SSBP3: variants seen among roughly 807,000 people sequenced by gnomAD.
SSBP3 encodes the protein single-stranded DNA-binding protein 3.
A neutral mutation model predicts 69.6 loss-of-function variants in SSBP3; 5 were observed. The observed-to-expected ratio is 0.07, with a 90% CI of 0.04 to 0.15. The LOEUF is 0.15. Ranked by LOEUF, SSBP3 falls within the 10% of genes least tolerant of loss-of-function variation. The probability of loss-of-function intolerance (pLI) is 1.00; values close to 1 mark genes in which losing one functional copy is unlikely to be tolerated. For synonymous variants in SSBP3, 196 were observed against 193.4 expected (o/e 1.01, Z -0.11); for missense variants, 312 against 534.0 (o/e 0.58, Z 4.10).
intron 13 of SSBP3, among the ~76,000 whole-genome samples, chr1:54,240,118 G>A (rs921488037): frequency 0.17 from 1,245 of 7,198 alleles, 12 homozygotes; most frequent in Non-Finnish European, 0.25. Flanking sequence ...GCGCGCGCGC[G>A]CGCAACACAT....
At chr1:54,237,710 C>T (rs1644523423) in intron 14 of SSBP3, 1 of 160,116 alleles carries the variant, frequency 6.2e-6, no homozygotes. Context: ...CATCTGAACT[C>T]TTAGGAAATA....
chr1:54,337,484 G>GTTT (rs1203018944), intron 4 of SSBP3, among the ~76,000 whole-genome samples: 4 of 78,902 alleles, frequency 5.1e-5, no homozygotes, highest in Non-Finnish European at 6.6e-5. Flanking sequence ...TTTTCCTCAA[G>GTTT]CTTTTTTTTT....
intron 4 of SSBP3, among the ~76,000 whole-genome samples, chr1:54,321,778 G>A (rs1307221180): frequency 6.6e-6 from 1 of 152,202 alleles, no homozygotes; most frequent in African/African-American, 2.4e-5. Flanking sequence ...GAAATTAAGA[G>A]CAGAATGAGG....
intron 14 of SSBP3, among the ~76,000 whole-genome samples, chr1:54,234,243 A>G (rs1459505678): frequency 6.7e-6 from 1 of 149,878 alleles, no homozygotes; most frequent in Non-Finnish European, 1.5e-5. Flanking sequence ...TAGGAAAACC[A>G]GAGACCTTTG....
chr1:54,255,582 C>T (rs1252833405), intron 7 of SSBP3: 3 of 152,240 alleles, frequency 2.0e-5, no homozygotes, highest in African/African-American at 4.8e-5. Context: ...TGGGAAGTCA[C>T]TCCTCCACTC....
rs188642015 is a variant in SSBP3, at chr1:54,332,752, G to A, written c.277-51225C>T. Among the ~76,000 whole-genome samples, 531 of 152,222 alleles carry A rather than the reference G, an allele frequency of 3.5e-3. 3 individuals carry two copies. The highest frequency in any genetic ancestry group is 3.8e-3 in the Non-Finnish European group (260 of 68,002). ...CTTAGGGAGAAAGATAAAAAAAACG[G>A]ACTTGCTCCCTTGTCCCACAGCCAA... is the stretch of plus-strand genomic sequence containing the variant. On this transcript the variant is annotated intron_variant, in intron 4 of 17. Coordinates refer to ENST00000610401, the Ensembl canonical transcript of SSBP3.
At chr1:54,394,252 T>C (rs1648698931) in intron 4 of SSBP3, among the ~76,000 whole-genome samples, 2 of 152,254 alleles carry the variant, frequency 1.3e-5, no homozygotes, top group Admixed American at 1.3e-4. Flanking sequence ...CCTCTGCGCA[T>C]GTTTCTTTAG....
intron 4 of SSBP3, among the ~76,000 whole-genome samples, chr1:54,373,848 G>A (rs1647175011): frequency 6.6e-6 from 1 of 152,090 alleles, no homozygotes; most frequent in Non-Finnish European, 1.5e-5. Flanking sequence ...ACACCCAGGG[G>A]CTGCTTGAGG....
intron 5 of SSBP3, among the ~76,000 whole-genome samples, chr1:54,274,951 G>A (rs1488056162): frequency 6.6e-6 from 1 of 151,168 alleles, no homozygotes; most frequent in Non-Finnish European, 1.5e-5. Context: ...ACTGCCAATT[G>A]CCTCCTCCTC....
chr1:54,390,808 C>G (rs1488474567), intron 4 of SSBP3, among the ~76,000 whole-genome samples: 1 of 152,222 alleles, frequency 6.6e-6, no homozygotes, highest in African/African-American at 2.4e-5. Flanking sequence ...CAAGCGGGCT[C>G]CGAGTGGGAT....
intron 4 of SSBP3, among the ~76,000 whole-genome samples, chr1:54,365,103 G>T (rs1477236525): frequency 1.3e-5 from 2 of 152,208 alleles, no homozygotes; most frequent in Non-Finnish European, 2.9e-5. Flanking sequence ...GCGCCGAAGA[G>T]CTTTTTTTGC....
intron 4 of SSBP3, among the ~76,000 whole-genome samples, chr1:54,401,627 A>G (rs1240052508): frequency 6.6e-6 from 1 of 152,204 alleles, no homozygotes; most frequent in African/African-American, 2.4e-5. Context: ...CTCCGGATAG[A>G]TATCTACACA....
At chr1:54,401,229 A>G (rs915287769) in intron 4 of SSBP3, among the ~76,000 whole-genome samples, 3 of 152,234 alleles carry the variant, frequency 2.0e-5, no homozygotes, top group African/African-American at 7.2e-5. Context: ...AAACTCATCC[A>G]GGTAGAAAGT....
intron 4 of SSBP3, among the ~76,000 whole-genome samples, chr1:54,311,451 C>T (rs1646000038): frequency 6.6e-6 from 1 of 152,224 alleles, no homozygotes; most frequent in Non-Finnish European, 1.5e-5. Context: ...GCCTGCCTGA[C>T]TTGCAGGACC....
At chr1:54,256,534 G>A (rs181506884) in intron 7 of SSBP3, among the ~76,000 whole-genome samples, 97 of 152,096 alleles carry the variant, frequency 6.4e-4, no homozygotes, top group African/African-American at 2.2e-3. Context: ...ATCCCTCCCC[G>A]TAATCAGACC....
chr1:54,407,410 C>T (rs904019325), upstream of SSBP3, among the ~76,000 whole-genome samples: 4 of 151,822 alleles, frequency 2.6e-5, no homozygotes, highest in East Asian at 1.9e-4. Context: ...GGAGGGGAAG[C>T]TTCCATTGTC....
rs1557499446 is a variant in SSBP3, at chr1:54,289,039, AAAAAAC to A, written c.277-7518_277-7513del. 5.8e-4 allele frequency among the ~76,000 whole-genome samples: 31 copies of A among 53,648 alleles called. 4 individuals carry two copies. The highest frequency in any genetic ancestry group is 2.9e-3 in the African/African-American group (22 of 7,634). 35.2% of individuals were successfully genotyped at this position (53,648 alleles called of 152,430 possible). A position where few individuals can be genotyped will look rare whatever the true frequency, so the allele number is the denominator to read the frequency against. ...TGTCTCCAAAAAAAAAAAAAAAACAAAAAAACAAAAAAAAAAAACAGTAATGTCCCA... is the reference window on the plus strand; with the variant it reads ...TGTCTCCAAAAAAAAAAAAAAAACAAAAAAAAAAAAAACAGTAATGTCCCA... On this transcript the variant is annotated intron_variant, in intron 4 of 17. Coordinates refer to ENST00000610401, the Ensembl canonical transcript of SSBP3.
At position 54,300,437 on chromosome 1, in the gene SSBP3, C is replaced by T. The variant is rs148511925; in HGVS notation, c.277-18910G>A. ...AGGTGCTCGGGGAGGATGTGCAGAACGACCAAGAATGGTACCTGGCACACG... is the reference window on the plus strand; with the variant it reads ...AGGTGCTCGGGGAGGATGTGCAGAATGACCAAGAATGGTACCTGGCACACG... On this transcript the variant is annotated intron_variant, in intron 4 of 17. Transcript: ENST00000610401. 9.2e-5 allele frequency among the ~76,000 whole-genome samples: 14 copies of T among 152,242 alleles called. No homozygotes were observed. In the East Asian group the frequency reaches 2.5e-3, roughly 27 times the overall value.
In SSBP3 at chr1:54,243,667, T is replaced by C. The variant is rs187881899; in HGVS notation, c.652-368A>G. ...GGGATGGACTTGGTCTTGGAACCCA[T>C]TGAGAGGCTCTGAGGTGAGGAGGCA... On this transcript the variant is annotated intron_variant, in intron 9 of 17. Transcript: ENST00000610401. Among the ~76,000 whole-genome samples, 5 of 152,236 alleles carry C rather than the reference T, an allele frequency of 3.3e-5. No individual in the cohort carries two copies. The East Asian group carries it at 5.8e-4, about 18-fold the overall frequency.
Sources: allele counts gnomAD v4.1 joint callset (sites outside exome capture counted in the v4.1 genomes callset), GRCh38; gene constraint gnomAD v4.1.1; transcripts MANE v1.5; gene names NCBI Gene and HGNC (gene_info 2026-07-23, HGNC 2026-07-21).